USP42: variants seen among roughly 807,000 people sequenced by gnomAD.
The protein encoded by USP42 is ubiquitin carboxyl-terminal hydrolase 42.
A neutral mutation model predicts 113.0 loss-of-function variants in USP42; 23 were observed. That is an observed-to-expected ratio of 0.20 (90% confidence interval 0.15 to 0.29). USP42 has a LOEUF of 0.29. Among genes scored for constraint, USP42 ranks in the 10% least tolerant of loss-of-function variants. USP42 has a pLI of 1.00. For missense variants in USP42, 2,174 were observed against 1,779.8 expected (o/e 1.22, Z -3.99); for synonymous variants, 933 against 699.0 (o/e 1.33, Z -5.28).
chr7:6,092,042 TTCTTC>T, the USP42 span, among the ~76,000 whole-genome samples: 5 of 93,470 alleles, frequency 5.3e-5, no homozygotes, highest in Non-Finnish European at 9.4e-5. Flanking sequence ...CTTCTTCTTC[TTCTTC>T]TTCTTCTTTC....
At chr7:6,102,785 CCTAG>C (rs776769123), upstream of USP42, among the ~76,000 whole-genome samples, 34 of 150,800 alleles carry the variant, frequency 2.3e-4, 1 homozygote, top group Non-Finnish European at 4.0e-4. Context: ...GTTTCTGATA[CCTAG>C]CTAAGGAATT....
upstream of USP42, among the ~76,000 whole-genome samples, chr7:6,102,998 A>G (rs1258661809): frequency 6.6e-6 from 1 of 150,984 alleles, no homozygotes; most frequent in Non-Finnish European, 1.5e-5. Context: ...GGTAAACATG[A>G]GTTGGTGTAA....
chr7:6,097,200 C>T, the USP42 span, among the ~76,000 whole-genome samples: 1 of 151,076 alleles, frequency 6.6e-6, no homozygotes, highest in African/African-American at 2.5e-5. Flanking sequence ...TACCACTTTT[C>T]CAACACAGCT....
At chr7:6,153,297 C>CAAA (rs1158183417) in intron 14 of USP42, among the ~76,000 whole-genome samples, 2 of 122,126 alleles carry the variant, frequency 1.6e-5, no homozygotes, top group Admixed American at 7.8e-5. Context: ...CAAAATGAAA[C>CAAA]AAAACAAAAA....
At position 6,155,187 on chromosome 7, in the gene USP42, C is replaced by G. The variant is rs182111048; in HGVS notation, c.3633C>G (p.Arg1211=). 5.2e-6 allele frequency: 8 copies of G among 1,531,036 alleles called. No individual in the cohort carries two copies. The highest frequency in any genetic ancestry group is 2.1e-5 in the Admixed American group (1 of 47,994). 94.8% of individuals were successfully genotyped at this position (1,531,036 alleles called of 1,614,324 possible). The change falls in exon 15 of 18, where the codon CGC becomes CGG. Residue 1211 remains arginine (R), a synonymous_variant. Coordinates refer to ENST00000306177, the MANE Select transcript of USP42 (RefSeq NM_032172.3). ...KKKSKDKHRD[R]DSRHQQDSDL... ...AATCCAAAGACAAACACCGAGACCG[C>G]GACTCCAGGTGAGCCTGGGGCCTTG...
the USP42 span, among the ~76,000 whole-genome samples, chr7:6,095,702 G>A: frequency 2.6e-5 from 4 of 150,978 alleles, no homozygotes; most frequent in Non-Finnish European, 5.9e-5. Context: ...GTCTCTTTGG[G>A]GCAGGACTTG....
intron 2 of USP42, among the ~76,000 whole-genome samples, chr7:6,112,545 G>C (rs1025153747): frequency 6.6e-6 from 1 of 152,114 alleles, no homozygotes; most frequent in South Asian, 2.1e-4. Context: ...AACTCATCCA[G>C]ATAAATGAGA....
chr7:6,105,575 A>G (rs1395618141), intron 1 of USP42, among the ~76,000 whole-genome samples: 1 of 142,942 alleles, frequency 7.0e-6, no homozygotes, highest in Non-Finnish European at 1.5e-5. Context: ...AAGTTTTCCC[A>G]CCTTGGGCGC....
chr7:6,083,841 G>A, the USP42 span, among the ~76,000 whole-genome samples: 1 of 150,516 alleles, frequency 6.6e-6, no homozygotes. Flanking sequence ...AGCTGTTCGG[G>A]GAGAAGTTAG....
At chr7:6,135,561 A>G (rs549286344) in intron 3 of USP42, among the ~76,000 whole-genome samples, 2 of 150,258 alleles carry the variant, frequency 1.3e-5, no homozygotes, top group South Asian at 4.3e-4. Flanking sequence ...TGAGGCAGGC[A>G]AATGGCTTGG....
intron 3 of USP42, among the ~76,000 whole-genome samples, chr7:6,134,872 G>A (rs1312245091): frequency 6.6e-6 from 1 of 152,062 alleles, no homozygotes; most frequent in Non-Finnish European, 1.5e-5. Flanking sequence ...TGCAGCCTCA[G>A]CCTCCCTGGG....
chr7:6,104,601 C>A (rs1332945122), upstream of USP42, among the ~76,000 whole-genome samples: 3 of 152,214 alleles, frequency 2.0e-5, no homozygotes, highest in African/African-American at 7.2e-5. Context: ...CAAAGTCCTA[C>A]GCCCGCCGCG....
At chr7:6,156,220 AAAT>A (rs1782438462) in intron 15 of USP42, among the ~76,000 whole-genome samples, 1 of 152,190 alleles carries the variant, frequency 6.6e-6, no homozygotes, top group African/African-American at 2.4e-5. Context: ...TTGGAGGGAA[AAAT>A]AATATTGCTG....
chr7:6,104,742 G>A (rs1042912732), upstream of USP42: 1 of 152,134 alleles, frequency 6.6e-6, no homozygotes, highest in East Asian at 1.9e-4. Context: ...GACGCGCGAC[G>A]TCTGCCTTCG....
intron 14 of USP42, among the ~76,000 whole-genome samples, chr7:6,151,722 C>T (rs776942685): frequency 1.3e-5 from 2 of 152,196 alleles, no homozygotes; most frequent in Non-Finnish European, 2.9e-5. Flanking sequence ...GGATTCCAGA[C>T]GTGAGCCACC....
chr7:6,097,386 C>T, the USP42 span, among the ~76,000 whole-genome samples: 30 of 108,432 alleles, frequency 2.8e-4, no homozygotes, highest in Non-Finnish European at 4.1e-4. Flanking sequence ...CCTGTGGGTC[C>T]TTTTTTTTTT....
At chr7:6,128,889 C>T (rs913942451) in intron 3 of USP42, among the ~76,000 whole-genome samples, 9 of 152,150 alleles carry the variant, frequency 5.9e-5, no homozygotes, top group African/African-American at 2.2e-4. Flanking sequence ...TGCACCATCT[C>T]AGCTCACTAC....
upstream of USP42, among the ~76,000 whole-genome samples, chr7:6,103,234 C>T (rs915920602): frequency 6.6e-6 from 1 of 150,910 alleles, no homozygotes; most frequent in Non-Finnish European, 1.5e-5. Context: ...TCTCCTAAGC[C>T]TGTACAATGC....
At chr7:6,086,917 G>T in the USP42 span, among the ~76,000 whole-genome samples, 1 of 149,480 alleles carries the variant, frequency 6.7e-6, no homozygotes, top group African/African-American at 2.5e-5. Context: ...TAGTAGAGAC[G>T]GGGTTTCACC....
Sources: allele counts gnomAD v4.1 joint callset (sites outside exome capture counted in the v4.1 genomes callset), GRCh38; gene constraint gnomAD v4.1.1; transcripts MANE v1.5; gene names NCBI Gene and HGNC (gene_info 2026-07-23, HGNC 2026-07-21).